The following RERE variants were observed in gnomAD, a reference collection of about 807,000 sequenced individuals.
The protein encoded by RERE is arginine-glutamic acid dipeptide repeats protein.
RERE carries 40 observed loss-of-function variants against 146.1 expected under a neutral mutation model. That is an observed-to-expected ratio of 0.27 (90% confidence interval 0.21 to 0.36). The LOEUF (loss-of-function observed/expected upper bound fraction) is 0.36. Ranked by LOEUF, RERE falls within the 10% of genes least tolerant of loss-of-function variation. RERE has a pLI of 1.00. For synonymous variants in RERE, 1,003 were observed against 866.0 expected (o/e 1.16, Z -2.78); for missense variants, 1,933 against 2,138.7 (o/e 0.90, Z 1.90).
At chr1:8,470,349 G>A (rs1031432154) in intron 10 of RERE, among the ~76,000 whole-genome samples, 6 of 151,782 alleles carry the variant, frequency 4.0e-5, no homozygotes, top group Admixed American at 1.3e-4. Context: ...TGCAACCTCC[G>A]CCTCCCAGTT....
chr1:8,363,868 C>T (rs1162466959), intron 15 of RERE, 188 bp downstream of exon 15: 3 of 615,528 alleles, frequency 4.9e-6, no homozygotes, highest in Non-Finnish European at 8.5e-6. Flanking sequence ...CCTGGGGCCC[C>T]TCGAAGGAGA....
intron 4 of RERE, among the ~76,000 whole-genome samples, chr1:8,602,556 C>T (rs368672382): frequency 4.6e-5 from 7 of 151,542 alleles, no homozygotes; most frequent in South Asian, 2.1e-4. Flanking sequence ...AGCTATATAC[C>T]GATGTCTACC....
At chr1:8,683,378 A>G (rs2124401287) in intron 1 of RERE, among the ~76,000 whole-genome samples, 1 of 152,192 alleles carries the variant, frequency 6.6e-6, no homozygotes, top group Non-Finnish European at 1.5e-5. Flanking sequence ...AGTAGAATCT[A>G]ATCATTCTAC....
chr1:8,765,619 A>C (rs927981741), intron 1 of RERE, among the ~76,000 whole-genome samples: 3 of 152,056 alleles, frequency 2.0e-5, no homozygotes, highest in East Asian at 3.9e-4. Flanking sequence ...AGGAGTTCAA[A>C]ACCAGCCAGG....
At chr1:8,802,154 G>A (rs1196486962) in intron 1 of RERE, among the ~76,000 whole-genome samples, 1 of 152,176 alleles carries the variant, frequency 6.6e-6, no homozygotes. Flanking sequence ...TAACCCTGGT[G>A]TTAAATCAGC....
At chr1:8,801,239 G>A (rs1396342579) in intron 1 of RERE, among the ~76,000 whole-genome samples, 2 of 151,252 alleles carry the variant, frequency 1.3e-5, no homozygotes, top group African/African-American at 4.9e-5. Context: ...CAACCTGGAC[G>A]GCAAAACAAG....
chr1:8,617,682 A>C (rs1646870058), intron 3 of RERE, among the ~76,000 whole-genome samples: 1 of 152,182 alleles, frequency 6.6e-6, no homozygotes, highest in Non-Finnish European at 1.5e-5. Flanking sequence ...CACAGGAACA[A>C]ATCATCATAG....
intron 10 of RERE, among the ~76,000 whole-genome samples, chr1:8,488,709 C>T (rs1644937268): frequency 6.6e-6 from 1 of 152,056 alleles, no homozygotes; most frequent in African/African-American, 2.4e-5. Context: ...CACAGAGGCC[C>T]TAATAACGAT....
intron 10 of RERE, among the ~76,000 whole-genome samples, chr1:8,474,373 A>G (rs1644727286): frequency 6.6e-6 from 1 of 152,214 alleles, no homozygotes; most frequent in Non-Finnish European, 1.5e-5. Context: ...AAAGCATGTT[A>G]TTTTATAGAG....
At chr1:8,528,105 C>T (rs1244841798) in intron 7 of RERE, among the ~76,000 whole-genome samples, 1 of 152,196 alleles carries the variant, frequency 6.6e-6, no homozygotes, top group Non-Finnish European at 1.5e-5. Context: ...GGAAAGGGCA[C>T]AGTATCACTC....
intron 1 of RERE, chr1:8,786,170 A>T: frequency 1.6e-6 from 1 of 610,610 alleles, no homozygotes; most frequent in South Asian, 1.6e-5. Context: ...AACTGATCAG[A>T]CTAGAAAAAT....
At chr1:8,592,056 A>G (rs1468334966) in intron 4 of RERE, among the ~76,000 whole-genome samples, 1 of 152,254 alleles carries the variant, frequency 6.6e-6, no homozygotes, top group Non-Finnish European at 1.5e-5. Context: ...GTGAAGTAGT[A>G]CCTTCACAGT....
chr1:8,409,507 C>T lies in RERE; in HGVS notation c.1284+13220G>A, dbSNP rs563404798. On this transcript the variant is annotated intron_variant, in intron 12 of 22. Transcript: ENST00000400908. Reference sequence around the variant, plus strand: ...TGAAAAGCAGAAAGTCCAATTTGGACTGACAGCAAATCCCAAAGCAATGAT... The same window carrying T: ...TGAAAAGCAGAAAGTCCAATTTGGATTGACAGCAAATCCCAAAGCAATGAT... Among the ~76,000 whole-genome samples, 4 of 152,330 alleles carry T rather than the reference C, an allele frequency of 2.6e-5. No homozygotes were observed. The East Asian group carries it at 7.7e-4, about 29-fold the overall frequency.
intron 7 of RERE, among the ~76,000 whole-genome samples, chr1:8,522,324 C>T (rs955137737): frequency 1.3e-5 from 2 of 152,172 alleles, no homozygotes; most frequent in Non-Finnish European, 2.9e-5. Context: ...TTAGAATACA[C>T]GGTTTTCTGG....
At chr1:8,586,382 G>A (rs1646428515) in intron 4 of RERE, among the ~76,000 whole-genome samples, 1 of 152,152 alleles carries the variant, frequency 6.6e-6, no homozygotes, top group Non-Finnish European at 1.5e-5. Context: ...GCCACGTCCT[G>A]TTTCTTGACC....
At chr1:8,778,981 G>A (rs111300666) in intron 1 of RERE, among the ~76,000 whole-genome samples, 2,730 of 151,946 alleles carry the variant, frequency 0.018, 98 homozygotes, top group African/African-American at 0.064. Flanking sequence ...CAAGTGGCTG[G>A]GATTACAGGC....
At chr1:8,707,773 G>A (rs1026494593) in intron 1 of RERE, among the ~76,000 whole-genome samples, 3 of 152,170 alleles carry the variant, frequency 2.0e-5, no homozygotes, top group East Asian at 1.9e-4. Flanking sequence ...AGCTATGTCC[G>A]CATAGGATGC....
chr1:8,707,499 G>A (rs954267217), intron 1 of RERE, among the ~76,000 whole-genome samples: 2 of 151,526 alleles, frequency 1.3e-5, no homozygotes, highest in African/African-American at 4.9e-5. Flanking sequence ...GCAACTTTGG[G>A]CCACTTTCCA....
chr1:8,502,311 C>T (rs1185283724), intron 8 of RERE, among the ~76,000 whole-genome samples: 3 of 115,256 alleles, frequency 2.6e-5, no homozygotes, highest in Non-Finnish European at 3.7e-5. Flanking sequence ...CTCTGCCTGG[C>T]GAGCCGCCCC....
Sources: gnomAD v4.1 joint callset for allele counts (sites outside exome capture counted in the v4.1 genomes callset) on GRCh38, gnomAD v4.1.1 for gene constraint, MANE v1.5 for transcripts, NCBI Gene and HGNC (gene_info 2026-07-23, HGNC 2026-07-21) for gene names.